Variants in CDH13 observed in about 807,000 individuals in gnomAD.
CDH13 encodes cadherin-13.
In CDH13, 24 loss-of-function variants were observed where a neutral mutation model predicts 63.8. The observed-to-expected ratio is 0.38, with a 90% CI of 0.27 to 0.53. CDH13 has a LOEUF of 0.53. Among genes scored for constraint, CDH13 ranks in the 20% least tolerant of loss-of-function variants. The probability of loss-of-function intolerance (pLI) is 0.85; values close to 1 mark genes in which losing one functional copy is unlikely to be tolerated. For missense variants in CDH13, 1,049 were observed against 903.1 expected (o/e 1.16, Z -2.07); for synonymous variants, 503 against 355.3 (o/e 1.42, Z -4.67).
At chr16:83,189,430 T>C (rs774004236) in intron 4 of CDH13, among the ~76,000 whole-genome samples, 20 of 152,208 alleles carry the variant, frequency 1.3e-4, no homozygotes, top group Non-Finnish European at 2.8e-4. Context: ...TTGCCCCCAA[T>C]ATTAACAAAG....
intron 2 of CDH13, among the ~76,000 whole-genome samples, chr16:83,012,364 T>G (rs1914252605): frequency 6.6e-6 from 1 of 151,414 alleles, no homozygotes; most frequent in African/African-American, 2.4e-5. Context: ...GAAATAGTGC[T>G]TTGCTTTCTT....
rs150751264 is a variant in CDH13, at chr16:83,505,324, G to A, written c.960+18669G>A. ...TCTATCCTCACCTTAGTGTACGCTG[G>A]ACAACACTAGGACTCAGAAGTGCTT... On this transcript the variant is annotated intron_variant, in intron 7 of 13. Coordinates refer to ENST00000567109, the MANE Select transcript of CDH13 (RefSeq NM_001257.5). 7.9e-3 allele frequency among the ~76,000 whole-genome samples: 1,196 copies of A among 152,170 alleles called. 25 individuals are homozygous for A. The highest frequency in any genetic ancestry group is 0.017 in the Middle Eastern group (5 of 294).
chr16:83,052,976 G>A (rs1211010777), intron 3 of CDH13, among the ~76,000 whole-genome samples: 1 of 152,066 alleles, frequency 6.6e-6, no homozygotes, highest in East Asian at 1.9e-4. Context: ...CCGTGAAAGA[G>A]GCAATGCAGT....
intron 10 of CDH13, among the ~76,000 whole-genome samples, chr16:83,693,524 A>T (rs1481672866): frequency 6.6e-6 from 1 of 152,206 alleles, no homozygotes; most frequent in Non-Finnish European, 1.5e-5. Context: ...ATCTCATGAT[A>T]ACAGTCTCTT....
intron 6 of CDH13, among the ~76,000 whole-genome samples, chr16:83,389,611 C>A (rs1311113016): frequency 6.6e-6 from 1 of 152,190 alleles, no homozygotes; most frequent in South Asian, 2.1e-4. Flanking sequence ...TGCAGATAGT[C>A]CCACCTTTTA....
chr16:83,180,852 G>GTTTTTTTTTTT, intron 4 of CDH13: 2 of 1,228,024 alleles, frequency 1.6e-6, no homozygotes, highest in Admixed American at 2.3e-5. Flanking sequence ...AACAAAATGT[G>GTTTTTTTTTTT]TTTTTTTTTT....
intron 11 of CDH13, among the ~76,000 whole-genome samples, chr16:83,770,078 C>T (rs762159901): frequency 2.0e-5 from 3 of 152,126 alleles, no homozygotes; most frequent in Non-Finnish European, 4.4e-5. Flanking sequence ...CAAAACCTGA[C>T]CCTGTTTCTC....
At chr16:83,281,247 C>G (rs1230039575) in intron 5 of CDH13, among the ~76,000 whole-genome samples, 1 of 152,254 alleles carries the variant, frequency 6.6e-6, no homozygotes, top group Non-Finnish European at 1.5e-5. Flanking sequence ...GCTGCTTCGC[C>G]TAGCACTATG....
At chr16:83,375,042 G>A (rs2091436143) in intron 6 of CDH13, among the ~76,000 whole-genome samples, 1 of 152,146 alleles carries the variant, frequency 6.6e-6, no homozygotes, top group Non-Finnish European at 1.5e-5. Flanking sequence ...TAGTAGGTAG[G>A]ATTAAGAGCT....
At chr16:82,812,823 CTTCCTCCCTTCCTTCCTCCCTTCT>C (rs1376978652) in intron 1 of CDH13, among the ~76,000 whole-genome samples, 39 of 148,128 alleles carry the variant, frequency 2.6e-4, no homozygotes, top group Admixed American at 2.2e-3. Context: ...TCCTTCCTTC[CTTCCTCCCTTCCTTCCTCCCTTCT>C]TTCCTCCCTT....
intron 7 of CDH13, among the ~76,000 whole-genome samples, chr16:83,497,004 G>C (rs2074161651): frequency 6.6e-6 from 1 of 152,174 alleles, no homozygotes; most frequent in South Asian, 2.1e-4. Context: ...TCAAATGTCA[G>C]GAAACAACAG....
At chr16:83,164,582 A>G (rs1018805988) in intron 4 of CDH13, among the ~76,000 whole-genome samples, 3 of 151,894 alleles carry the variant, frequency 2.0e-5, no homozygotes, top group African/African-American at 7.3e-5. Flanking sequence ...TTAGCCAGGC[A>G]TGGTGGGGGC....
intron 5 of CDH13, among the ~76,000 whole-genome samples, chr16:83,259,573 T>A (rs1243774450): frequency 6.6e-6 from 1 of 152,204 alleles, no homozygotes. Context: ...TTACATAGAT[T>A]ACAGGCAGAG....
chr16:83,334,341 CCT>C (rs370037527), intron 5 of CDH13, among the ~76,000 whole-genome samples: 6,690 of 109,080 alleles, frequency 0.061, 263 homozygotes, highest in Non-Finnish European at 0.085. Flanking sequence ...TCCCTTTCTC[CCT>C]CTCTCTCTCT....
At chr16:83,054,796 TA>T (rs1446608150) in intron 3 of CDH13, among the ~76,000 whole-genome samples, 1 of 152,030 alleles carries the variant, frequency 6.6e-6, no homozygotes. Context: ...AGTCTAAATA[TA>T]AAAAAGAGTA....
chr16:83,695,052 C>A (rs1404678413), intron 10 of CDH13, among the ~76,000 whole-genome samples: 1 of 151,962 alleles, frequency 6.6e-6, no homozygotes, highest in East Asian at 1.9e-4. Flanking sequence ...ATTAAAAATA[C>A]AAAAATTAGC....
chr16:82,827,246 C>G (rs1178767303), intron 1 of CDH13, among the ~76,000 whole-genome samples: 1 of 152,158 alleles, frequency 6.6e-6, no homozygotes. Flanking sequence ...GCATAAGCAT[C>G]GTGTGAATTC....
intron 2 of CDH13, among the ~76,000 whole-genome samples, chr16:82,890,948 G>C (rs977717944): frequency 4.0e-5 from 6 of 151,870 alleles, no homozygotes; most frequent in African/African-American, 1.2e-4. Context: ...CACTGTGCCT[G>C]GCCGGCAGCA....
intron 1 of CDH13, among the ~76,000 whole-genome samples, chr16:82,664,150 A>G (rs896838006): frequency 2.4e-4 from 37 of 152,266 alleles, no homozygotes; most frequent in Admixed American, 4.6e-4. Flanking sequence ...CTCAGCACAT[A>G]GTAAGCGCTA....
Sources: gnomAD v4.1 joint callset for allele counts (sites outside exome capture counted in the v4.1 genomes callset) on GRCh38, gnomAD v4.1.1 for gene constraint, MANE v1.5 for transcripts, NCBI Gene and HGNC (gene_info 2026-07-23, HGNC 2026-07-21) for gene names.